ANKS1B: variants seen among roughly 807,000 people sequenced by gnomAD.
ANKS1B encodes ankyrin repeat and sterile alpha motif domain containing 1B.
A neutral mutation model predicts 148.3 loss-of-function variants in ANKS1B; 36 were observed. The observed-to-expected ratio is 0.24, with a 90% CI of 0.19 to 0.32. The LOEUF is 0.32. Among genes scored for constraint, ANKS1B ranks in the 10% least tolerant of loss-of-function variants. The probability of loss-of-function intolerance (pLI) is 1.00; values close to 1 mark genes in which losing one functional copy is unlikely to be tolerated. For synonymous variants in ANKS1B, 542 were observed against 560.8 expected, an observed-to-expected ratio of 0.97 and a Z score of 0.47; for missense variants, 1,157 against 1,542.6, an observed-to-expected ratio of 0.75 and a Z score of 4.19.
chr12:99,184,833 A>G (rs1255916282), intron 14 of ANKS1B, among the ~76,000 whole-genome samples: 1 of 152,200 alleles, frequency 6.6e-6, no homozygotes, highest in African/African-American at 2.4e-5. Context: ...CCTGAGCCTC[A>G]GGTTTCGTAT....
At chr12:99,806,876 CA>C (rs146379858) in intron 3 of ANKS1B, among the ~76,000 whole-genome samples, 176 bp from the exon 4 acceptor site, 35,417 of 151,550 alleles carry the variant, frequency 0.23, 4,444 homozygotes, top group Middle Eastern at 0.29. Context: ...TTCATTGAAT[CA>C]AAAAAAAATT....
At chr12:99,683,087 G>A (rs374426725) in intron 8 of ANKS1B, among the ~76,000 whole-genome samples, 3 of 152,088 alleles carry the variant, frequency 2.0e-5, no homozygotes, top group Admixed American at 1.3e-4. Context: ...GGTCTCGTGA[G>A]ACTTATACAC....
intron 10 of ANKS1B, among the ~76,000 whole-genome samples, chr12:99,447,778 AAATGGGCAAAGGATCTG>A (rs1165026118): frequency 6.6e-6 from 1 of 152,148 alleles, no homozygotes; most frequent in African/African-American, 2.4e-5. Context: ...CCTGATTTAA[AAATGGGCAAAGGATCTG>A]AATGGACATT....
intron 1 of ANKS1B, among the ~76,000 whole-genome samples, chr12:99,836,933 A>T (rs926947627): frequency 5.9e-5 from 9 of 152,128 alleles, no homozygotes; most frequent in African/African-American, 2.2e-4. Flanking sequence ...AAATAATGGT[A>T]CCCCCAAGAT....
chr12:99,399,895 T>C (rs2094354971), intron 11 of ANKS1B, 84 bp from the exon 12 acceptor site: 2 of 1,418,706 alleles, frequency 1.4e-6, no homozygotes, highest in Non-Finnish European at 2.0e-6. Flanking sequence ...ATCTAAGTGA[T>C]AATTTTTTTC....
At chr12:99,382,718 A>G (rs1241572386) in intron 12 of ANKS1B, among the ~76,000 whole-genome samples, 8 of 72,410 alleles carry the variant, frequency 1.1e-4, no homozygotes. Context: ...AAAAAAAAAA[A>G]GAGAGAGAGA....
chr12:99,449,771 A>G (rs144120652), intron 10 of ANKS1B, among the ~76,000 whole-genome samples: 1 of 152,278 alleles, frequency 6.6e-6, no homozygotes, highest in East Asian at 1.9e-4. Context: ...TGAGAGCAGT[A>G]TCTTTTAGCT....
chr12:99,780,021 C>T, intron 5 of ANKS1B, 49 bp from the exon 6 acceptor site: 6 of 1,208,498 alleles, frequency 5.0e-6, no homozygotes, highest in Non-Finnish European at 7.2e-6. Flanking sequence ...GAAGTATCCT[C>T]AAAAGATACT....
chr12:99,666,294 T>A (rs577975461), intron 8 of ANKS1B, among the ~76,000 whole-genome samples: 22 of 152,376 alleles, frequency 1.4e-4, no homozygotes, highest in South Asian at 8.3e-4. Context: ...CCTTTGCATA[T>A]AAATTTTAGA....
intron 8 of ANKS1B, among the ~76,000 whole-genome samples, chr12:99,661,782 T>A (rs1439683748): frequency 6.6e-6 from 1 of 152,192 alleles, no homozygotes; most frequent in Admixed American, 6.5e-5. Flanking sequence ...ATGTATTCTT[T>A]GAATAAATAC....
chr12:98,933,607 G>C (rs566435547), intron 17 of ANKS1B, among the ~76,000 whole-genome samples: 1 of 151,826 alleles, frequency 6.6e-6, no homozygotes, highest in East Asian at 1.9e-4. Context: ...ACCATTTTAC[G>C]TTCCCACCAA....
At position 99,653,677 on chromosome 12, in the gene ANKS1B, T is replaced by A. The variant is rs563949319; in HGVS notation, c.1272+1390A>T. Reference sequence around the variant, plus strand: ...ATTTTTTTCTCTTCCTTTCTTTCTTTCTTTTTTTTTTTTTTTTTTTGAGAC... The same window carrying A: ...ATTTTTTTCTCTTCCTTTCTTTCTTACTTTTTTTTTTTTTTTTTTTGAGAC... On this transcript the variant is annotated intron_variant, in intron 9 of 26. Coordinates refer to ENST00000683438, the MANE Select transcript of ANKS1B (RefSeq NM_001352186.2). 1.9e-4 allele frequency among the ~76,000 whole-genome samples: 25 copies of A among 130,442 alleles called. No individual in the cohort carries two copies. The South Asian group carries it at 7.1e-3, about 37-fold the overall frequency. 85.6% of individuals were successfully genotyped at this position (130,442 alleles called of 152,430 possible). A position where few individuals can be genotyped will look rare whatever the true frequency, so the allele number is the denominator to read the frequency against.
intron 17 of ANKS1B, among the ~76,000 whole-genome samples, chr12:99,040,936 A>G (rs983259152): frequency 6.6e-6 from 1 of 152,170 alleles, no homozygotes; most frequent in Non-Finnish European, 1.5e-5. Context: ...CCGAGTCCCC[A>G]GTCTCCTCCA....
intron 9 of ANKS1B, among the ~76,000 whole-genome samples, chr12:99,616,990 A>C (rs2097972943): frequency 6.6e-6 from 1 of 152,144 alleles, no homozygotes; most frequent in Non-Finnish European, 1.5e-5. Flanking sequence ...AGGATAGGAA[A>C]AGATACTTCT....
intron 8 of ANKS1B, among the ~76,000 whole-genome samples, chr12:99,724,689 C>G (rs971171098): frequency 1.3e-5 from 2 of 151,938 alleles, no homozygotes; most frequent in African/African-American, 2.4e-5. Context: ...CAATCAACCC[C>G]AAGACACATA....
chr12:99,346,877 A>C (rs373935555), intron 12 of ANKS1B, among the ~76,000 whole-genome samples: 33 of 152,096 alleles, frequency 2.2e-4, no homozygotes, highest in African/African-American at 7.5e-4. Flanking sequence ...GGTTTGCAGC[A>C]ACCAAGAGAA....
chr12:98,859,971 A>G (rs1226312713), intron 17 of ANKS1B, among the ~76,000 whole-genome samples: 1 of 152,222 alleles, frequency 6.6e-6, no homozygotes, highest in Non-Finnish European at 1.5e-5. Context: ...CAGAAGTTAA[A>G]TTGAATTGAT....
chr12:99,424,144 C>A (rs1469674061), intron 11 of ANKS1B, among the ~76,000 whole-genome samples: 3 of 152,036 alleles, frequency 2.0e-5, no homozygotes, highest in African/African-American at 7.3e-5. Flanking sequence ...AATGCTTTTG[C>A]ATTTATTTCA....
intron 19 of ANKS1B, among the ~76,000 whole-genome samples, chr12:98,821,267 T>C (rs1038276278): frequency 1.2e-4 from 18 of 152,248 alleles, no homozygotes; most frequent in African/African-American, 4.3e-4. Context: ...TCATCTGATA[T>C]AGCAATTTTC....
Sources: allele counts gnomAD v4.1 joint callset (sites outside exome capture counted in the v4.1 genomes callset), GRCh38; gene constraint gnomAD v4.1.1; transcripts MANE v1.5; gene names NCBI Gene and HGNC (gene_info 2026-07-23, HGNC 2026-07-21).